DIAPH3: variants seen among roughly 807,000 people sequenced by gnomAD.
The protein encoded by DIAPH3 is diaphanous related formin 3.
In DIAPH3, 117 loss-of-function variants were observed where a neutral mutation model predicts 144.3. That is an observed-to-expected ratio of 0.81 (90% CI 0.70 to 0.95). The LOEUF (loss-of-function observed/expected upper bound fraction) is 0.95. Ranked by LOEUF, DIAPH3 falls within the 40% of genes least tolerant of loss-of-function variation. DIAPH3 has a pLI of 0.00. For missense variants in DIAPH3, 1,421 were observed against 1,412.7 expected (o/e 1.01, Z -0.09); for synonymous variants, 519 against 488.9 (o/e 1.06, Z -0.81).
At position 59,839,471 on chromosome 13, in the gene DIAPH3, C is replaced by A. The variant is rs544437433; in HGVS notation, c.2738-23G>T. ...AGACTAAAAGAGAGTATATTAAATG[C>A]CCGGAAAGGACAAAATTATAATATA... On this transcript the variant is annotated intron_variant, in intron 22 of 27. Coordinates refer to ENST00000400324, the MANE Select transcript of DIAPH3 (RefSeq NM_001042517.2). The A allele has an allele frequency of 5.6e-6, 9 of 1,608,718 alleles. No homozygotes were observed. In the East Asian group the frequency reaches 6.7e-5, roughly 12 times the overall value.
At chr13:59,765,132 C>T (rs1302113708) in intron 27 of DIAPH3, among the ~76,000 whole-genome samples, 3 of 152,116 alleles carry the variant, frequency 2.0e-5, no homozygotes, top group African/African-American at 7.2e-5. Flanking sequence ...AAACAAAATT[C>T]TCCATAGTCT....
intron 27 of DIAPH3, among the ~76,000 whole-genome samples, chr13:59,682,938 A>G (rs2033020163): frequency 6.6e-6 from 1 of 152,226 alleles, no homozygotes; most frequent in Admixed American, 6.5e-5. Context: ...TCTTTGTGTT[A>G]AAAGCGGTAC....
chr13:59,820,803 T>C (rs1485293443), intron 24 of DIAPH3, among the ~76,000 whole-genome samples: 2 of 151,104 alleles, frequency 1.3e-5, no homozygotes, highest in Non-Finnish European at 3.0e-5. Flanking sequence ...TTTAATGTTA[T>C]AATAGTATTA....
intron 27 of DIAPH3, among the ~76,000 whole-genome samples, chr13:59,734,616 G>A (rs532165374): frequency 7.6e-4 from 116 of 152,194 alleles, no homozygotes; most frequent in African/African-American, 2.7e-3. Flanking sequence ...AGCCGCTGCT[G>A]TCTTACACCG....
intron 17 of DIAPH3, among the ~76,000 whole-genome samples, chr13:59,966,443 C>G (rs1169823375): frequency 6.6e-6 from 1 of 151,664 alleles, no homozygotes; most frequent in East Asian, 1.9e-4. Flanking sequence ...CTGAGATACA[C>G]TAAAGATTAA....
chr13:59,851,287 T>C (rs1482869356), intron 22 of DIAPH3, among the ~76,000 whole-genome samples: 1 of 152,186 alleles, frequency 6.6e-6, no homozygotes, highest in African/African-American at 2.4e-5. Flanking sequence ...CCAGTCTCAC[T>C]TCCATACCTT....
intron 2 of DIAPH3, among the ~76,000 whole-genome samples, chr13:60,127,128 C>T (rs1322727565): frequency 6.6e-6 from 1 of 151,758 alleles, no homozygotes; most frequent in African/African-American, 2.4e-5. Context: ...ACACAGAAAA[C>T]ACAAATTATC....
At chr13:59,881,354 G>A (rs1000579234) in intron 20 of DIAPH3, among the ~76,000 whole-genome samples, 2 of 151,956 alleles carry the variant, frequency 1.3e-5, no homozygotes, top group Non-Finnish European at 2.9e-5. Flanking sequence ...GTGTATAATG[G>A]GCTCATAGCA....
chr13:59,844,440 C>A (rs1593643097), intron 22 of DIAPH3, among the ~76,000 whole-genome samples: 2 of 149,024 alleles, frequency 1.3e-5, no homozygotes, highest in Admixed American at 1.4e-4. Context: ...GGAGGCAAAG[C>A]TTGCAGTGAG....
chr13:59,838,566 T>C (rs963139911), intron 23 of DIAPH3: 1 of 152,194 alleles, frequency 6.6e-6, no homozygotes, highest in Admixed American at 6.5e-5. Flanking sequence ...TAATTTATAA[T>C]ATATGCCAAT....
chr13:59,756,312 G>C (rs1349187352), intron 27 of DIAPH3, among the ~76,000 whole-genome samples: 1 of 151,436 alleles, frequency 6.6e-6, no homozygotes, highest in Non-Finnish European at 1.5e-5. Flanking sequence ...AAATAAGTAG[G>C]GTATATAAAC....
intron 24 of DIAPH3, among the ~76,000 whole-genome samples, chr13:59,813,584 G>A (rs990088627): frequency 2.0e-5 from 3 of 152,060 alleles, no homozygotes; most frequent in East Asian, 1.9e-4. Flanking sequence ...GGCTGGGCAC[G>A]GTGGCTCATG....
intron 18 of DIAPH3, among the ~76,000 whole-genome samples, chr13:59,916,794 C>A (rs976831437): frequency 6.6e-6 from 1 of 152,176 alleles, no homozygotes; most frequent in East Asian, 1.9e-4. Context: ...CTAGGGAAAC[C>A]TTCACATGTA....
intron 27 of DIAPH3, among the ~76,000 whole-genome samples, chr13:59,729,051 G>A (rs887252539): frequency 2.0e-5 from 3 of 152,130 alleles, no homozygotes; most frequent in African/African-American, 4.8e-5. Flanking sequence ...GCACAAGAAT[G>A]TTTCTGGTGA....
intron 9 of DIAPH3, among the ~76,000 whole-genome samples, chr13:60,002,022 A>C (rs1173350660): frequency 6.6e-6 from 1 of 152,220 alleles, no homozygotes; most frequent in Non-Finnish European, 1.5e-5. Context: ...GAATTGTCCT[A>C]GACTTCTTTG....
rs1455451383 is a variant in DIAPH3, at chr13:59,712,060, A to G, written c.3320-45214T>C. On this transcript the variant is annotated intron_variant, in intron 27 of 27. Transcript: ENST00000400324. ...TTACAAATAGAATAGGACCACTGAAATCAAGGACCAGAGAGAAGACAATAT... is the reference window on the plus strand; with the variant it reads ...TTACAAATAGAATAGGACCACTGAAGTCAAGGACCAGAGAGAAGACAATAT... Among the ~76,000 whole-genome samples, 5 of 152,222 alleles carry G rather than the reference A, an allele frequency of 3.3e-5. No individual in the cohort carries two copies. In the East Asian group the frequency reaches 5.8e-4, roughly 18 times the overall value.
chr13:60,009,200 T>C (rs1371615593), intron 8 of DIAPH3, among the ~76,000 whole-genome samples: 1 of 152,134 alleles, frequency 6.6e-6, no homozygotes, highest in African/African-American at 2.4e-5. Context: ...AAATATAAAA[T>C]ATAATAATTA....
At chr13:59,917,420 G>A (rs2047272575) in intron 18 of DIAPH3, among the ~76,000 whole-genome samples, 1 of 152,112 alleles carries the variant, frequency 6.6e-6, no homozygotes, top group African/African-American at 2.4e-5. Flanking sequence ...CCTGATTTGT[G>A]AGAATATCAT....
intron 5 of DIAPH3, among the ~76,000 whole-genome samples, chr13:60,020,763 T>C (rs570825230): frequency 6.6e-6 from 1 of 152,338 alleles, no homozygotes; most frequent in African/African-American, 2.4e-5. Context: ...CTTGAAAAGA[T>C]CACAGACCAG....
Sources: gnomAD v4.1 joint callset for allele counts (sites outside exome capture counted in the v4.1 genomes callset) on GRCh38, gnomAD v4.1.1 for gene constraint, MANE v1.5 for transcripts, NCBI Gene and HGNC (gene_info 2026-07-23, HGNC 2026-07-21) for gene names.